Variants in CNTNAP5 observed in about 807,000 individuals in gnomAD.
CNTNAP5 encodes the protein contactin-associated protein-like 5.
Under a neutral mutation model 150.2 loss-of-function variants are expected in CNTNAP5, and 72 were observed. The observed-to-expected ratio is 0.48, with a 90% CI of 0.40 to 0.58. The LOEUF (loss-of-function observed/expected upper bound fraction) is 0.58. CNTNAP5 is among the 20% of genes least tolerant of loss of function. The pLI is 0.00. For synonymous variants in CNTNAP5, 672 were observed against 619.8 expected, an observed-to-expected ratio of 1.08 and a Z score of -1.25; for missense variants, 1,636 against 1,626.2, an observed-to-expected ratio of 1.01 and a Z score of -0.10.
At chr2:124,326,779 A>G (rs570614435) in intron 3 of CNTNAP5, among the ~76,000 whole-genome samples, 9 of 151,880 alleles carry the variant, frequency 5.9e-5, no homozygotes, top group African/African-American at 1.9e-4. Context: ...ATAAATATAC[A>G]ACTATAAAAA....
Position 124,266,604 on chromosome 2 carries a change from T to G in CNTNAP5, c.381+24211T>G, listed in dbSNP as rs537969631. ...TTGTTGTAACCCTCTCAGCCTCCCA[T>G]GCAGGAGGAGTATTTTTCCTGATGC... is the stretch of plus-strand genomic sequence containing the variant. On this transcript the variant is annotated intron_variant, in intron 3 of 23. Transcript: ENST00000682447. Among the ~76,000 whole-genome samples the G allele has an allele frequency of 9.8e-5, 15 of 152,314 alleles. No homozygotes were observed. The South Asian group carries it at 3.1e-3, about 32-fold the overall frequency.
At chr2:124,528,097 GTTC>G (rs1238705220) in intron 10 of CNTNAP5, among the ~76,000 whole-genome samples, 1 of 152,154 alleles carries the variant, frequency 6.6e-6, no homozygotes, top group African/African-American at 2.4e-5. Context: ...GGTTTACCAT[GTTC>G]TTCTTCTTTC....
chr2:124,585,659 G>A (rs986666746), intron 11 of CNTNAP5, among the ~76,000 whole-genome samples: 11 of 141,542 alleles, frequency 7.8e-5, no homozygotes, highest in African/African-American at 2.8e-4. Flanking sequence ...GAGTCAGGGA[G>A]AGCTTGAAGC....
rs1365949923 is a variant in CNTNAP5, at chr2:124,423,426, C to T, written c.529+5836C>T. Among the ~76,000 whole-genome samples the T allele has an allele frequency of 2.0e-5, 3 of 152,262 alleles. No individual in the cohort carries two copies. The East Asian group carries it at 5.8e-4, about 29-fold the overall frequency. ...TATCCAAGGATTTCAGCACCTTCGT[C>T]AGGCCATCTGGAGTCTAGGCTACCT... On this transcript the variant is annotated intron_variant, in intron 4 of 23. Coordinates refer to ENST00000682447, the MANE Select transcript of CNTNAP5 (RefSeq NM_001367498.1).
intron 3 of CNTNAP5, among the ~76,000 whole-genome samples, chr2:124,294,033 A>T (rs1206274167): frequency 6.6e-6 from 1 of 152,152 alleles, no homozygotes; most frequent in African/African-American, 2.4e-5. Context: ...TGATCCCAGG[A>T]TGCATGGGGC....
At chr2:124,321,248 C>T (rs1689092241) in intron 3 of CNTNAP5, among the ~76,000 whole-genome samples, 1 of 152,022 alleles carries the variant, frequency 6.6e-6, no homozygotes, top group Non-Finnish European at 1.5e-5. Context: ...TCAAGACCAG[C>T]CTGACCAAGG....
intron 3 of CNTNAP5, among the ~76,000 whole-genome samples, chr2:124,378,622 A>G (rs1690712897): frequency 6.6e-6 from 1 of 152,102 alleles, no homozygotes; most frequent in Non-Finnish European, 1.5e-5. Context: ...TGTTGCTGTC[A>G]GTTAGGCTTT....
Position 124,512,579 on chromosome 2 carries a change from C to T in CNTNAP5, c.1327+8023C>T, listed in dbSNP as rs149082015. On this transcript the variant is annotated intron_variant, in intron 8 of 23. Transcript: ENST00000682447. ...TCTATAGTCAAGGCAAATGGCTTAT[C>T]GGAGGTGCCATCTCAGCGCATCCCA... is the stretch of plus-strand genomic sequence containing the variant. Among the ~76,000 whole-genome samples, 985 of 152,210 alleles carry T rather than the reference C, an allele frequency of 6.5e-3. 12 individuals are homozygous for T. Among genetic ancestry groups the T allele is most frequent in the African/African-American group, 0.022 (915 of 41,514 alleles).
intron 1 of CNTNAP5, among the ~76,000 whole-genome samples, chr2:124,218,327 G>T (rs1185743203): frequency 6.6e-6 from 1 of 152,140 alleles, no homozygotes; most frequent in Non-Finnish European, 1.5e-5. Context: ...TAAGAGACTT[G>T]CTCTCTCTTC....
At chr2:124,166,084 G>C (rs536218601) in intron 1 of CNTNAP5, among the ~76,000 whole-genome samples, 1 of 152,184 alleles carries the variant, frequency 6.6e-6, no homozygotes, top group Non-Finnish European at 1.5e-5. Context: ...CCAGATCCCA[G>C]AATTCATGTT....
chr2:124,339,371 A>G (rs1167223972), intron 3 of CNTNAP5, among the ~76,000 whole-genome samples: 1 of 152,146 alleles, frequency 6.6e-6, no homozygotes, highest in African/African-American at 2.4e-5. Context: ...TTAAAATTGT[A>G]GACAAAGGAA....
At position 124,916,331 on chromosome 2, in the gene CNTNAP5, C is replaced by T. The variant is rs189456236; in HGVS notation, c.*2043C>T. On this transcript the variant is annotated 3_prime_UTR_variant, in exon 24 of 24. Coordinates refer to ENST00000682447, the MANE Select transcript of CNTNAP5 (RefSeq NM_001367498.1). ...TAGTAAGATGAAGGATCTTTAAACA[C>T]TGTTTTCCCCTGCCCTTTCCTCCCT... Among the ~76,000 whole-genome samples the T allele has an allele frequency of 3.9e-4, 59 of 152,170 alleles. No individual in the cohort carries two copies. Among genetic ancestry groups the T allele is most frequent in the Non-Finnish European group, 7.1e-4 (48 of 67,978 alleles).
At chr2:124,083,462 TAA>T (rs1026109749) in intron 1 of CNTNAP5, among the ~76,000 whole-genome samples, 1 of 152,232 alleles carries the variant, frequency 6.6e-6, no homozygotes, top group Non-Finnish European at 1.5e-5. Context: ...TTTTATTTGG[TAA>T]AGTCAAATCT....
At chr2:124,662,016 G>C (rs969669679) in intron 13 of CNTNAP5, among the ~76,000 whole-genome samples, 1 of 152,006 alleles carries the variant, frequency 6.6e-6, no homozygotes, top group Non-Finnish European at 1.5e-5. Context: ...CCCACCCCCC[G>C]ATAGGCCTCG....
rs191261134 is a variant in CNTNAP5, at chr2:124,485,689, C to T, written c.1062+10807C>T. On this transcript the variant is annotated intron_variant, in intron 7 of 23. Transcript: ENST00000682447. Reference sequence around the variant, plus strand: ...AGCATACAGATAGCAAAGAAGCTTGCCGGAAAACTTAGGTCCCAGCTTCCT... The same window carrying T: ...AGCATACAGATAGCAAAGAAGCTTGTCGGAAAACTTAGGTCCCAGCTTCCT... Among the ~76,000 whole-genome samples, 3 of 151,140 alleles carry T rather than the reference C, an allele frequency of 2.0e-5. No homozygotes were observed. In the Admixed American group the frequency reaches 2.0e-4, roughly 10 times the overall value.
intron 7 of CNTNAP5, 61 bp downstream of exon 7, chr2:124,474,943 T>C: frequency 6.9e-7 from 1 of 1,445,208 alleles, no homozygotes; most frequent in Non-Finnish European, 9.4e-7. Flanking sequence ...AGTCTTGCTT[T>C]CACCAGCCCA....
intron 1 of CNTNAP5, among the ~76,000 whole-genome samples, chr2:124,083,608 A>G (rs1020314630): frequency 1.3e-5 from 2 of 152,054 alleles, no homozygotes; most frequent in Admixed American, 6.5e-5. Context: ...TCAAAAATCA[A>G]TTGTCCATAT....
chr2:124,754,373 G>GACAGGAATT (rs1680792985), intron 14 of CNTNAP5, among the ~76,000 whole-genome samples: 1 of 152,158 alleles, frequency 6.6e-6, no homozygotes, highest in East Asian at 1.9e-4. Context: ...TCTCTAGGCA[G>GACAGGAATT]ACAGGAATTA....
chr2:124,195,763 A>G (rs1194376228), intron 1 of CNTNAP5, among the ~76,000 whole-genome samples: 2 of 152,186 alleles, frequency 1.3e-5, no homozygotes, highest in African/African-American at 4.8e-5. Context: ...GGGAGTGATG[A>G]AAATGAACCT....
Sources: gnomAD v4.1 joint callset for allele counts (sites outside exome capture counted in the v4.1 genomes callset) on GRCh38, gnomAD v4.1.1 for gene constraint, MANE v1.5 for transcripts, NCBI Gene and HGNC (gene_info 2026-07-23, HGNC 2026-07-21) for gene names.